The following TPTE variants were observed in gnomAD, a reference collection of about 807,000 sequenced individuals.
TPTE encodes putative tyrosine-protein phosphatase TPTE.
TPTE carries 59 observed loss-of-function variants against 84.1 expected under a neutral mutation model. The ratio of observed to expected loss-of-function variants is 0.70; its 90% CI spans 0.57 to 0.87. The LOEUF (loss-of-function observed/expected upper bound fraction) is 0.87. Ranked by LOEUF, TPTE falls within the 40% of genes least tolerant of loss-of-function variation. TPTE has a pLI of 0.00. For missense variants in TPTE, 382 were observed against 659.6 expected (o/e 0.58, Z 4.61); for synonymous variants, 130 against 223.5 (o/e 0.58, Z 3.73).
At chr21:10,603,125 A>C (rs1329255968) in intron 22 of TPTE, among the ~76,000 whole-genome samples, 2 of 152,312 alleles carry the variant, frequency 1.3e-5, no homozygotes, top group African/African-American at 4.8e-5. Flanking sequence ...GTGAACGGGA[A>C]ACTGCTGCGG....
At chr21:10,602,021 A>C (rs762698624) in intron 21 of TPTE, 37 bp from the exon 22 acceptor site, 3 of 1,589,492 alleles carry the variant, frequency 1.9e-6, no homozygotes, top group Admixed American at 3.3e-5. Context: ...ATCATTATCT[A>C]GGTTTATAGT....
intron 17 of TPTE, among the ~76,000 whole-genome samples, chr21:10,585,800 TGCCCATTTTG>T (rs2075353544): frequency 1.3e-5 from 2 of 152,310 alleles, no homozygotes; most frequent in African/African-American, 4.8e-5. Flanking sequence ...TTATTTCTTT[TGCCCATTTTG>T]GTAGATTATA....
chr21:10,604,607 C>G (rs1199070325), intron 23 of TPTE, among the ~76,000 whole-genome samples: 1 of 152,300 alleles, frequency 6.6e-6, no homozygotes, highest in Non-Finnish European at 1.5e-5. Flanking sequence ...AAATTTTTTA[C>G]AAGTTTTTTT....
At chr21:10,594,509 A>C (rs2075543973) in intron 19 of TPTE, among the ~76,000 whole-genome samples, 1 of 152,308 alleles carries the variant, frequency 6.6e-6, no homozygotes, top group Admixed American at 6.5e-5. Flanking sequence ...CTACAAGTCC[A>C]TGTTGTTTTA....
chr21:10,527,092 ACATT>A, intron 2 of TPTE, among the ~76,000 whole-genome samples: 1 of 152,300 alleles, frequency 6.6e-6, no homozygotes, highest in Non-Finnish European at 1.5e-5. Flanking sequence ...TGATATAGAA[ACATT>A]CATTATTCTT....
intron 7 of TPTE, among the ~76,000 whole-genome samples, chr21:10,548,754 G>A (rs1448491749): frequency 1.3e-5 from 2 of 152,312 alleles, no homozygotes; most frequent in African/African-American, 2.4e-5. Flanking sequence ...CAGGCCAGAT[G>A]AGCAGCTGTG....
In TPTE at chr21:10,541,048, G is replaced by A. The variant is rs1269880227; in HGVS notation, c.12-64G>A. On this transcript the variant is annotated intron_variant, in intron 4 of 23. Coordinates refer to ENST00000618007, the MANE Select transcript of TPTE (RefSeq NM_199261.4). ...GGGAATGACACATAGACTAACTGTA[G>A]CTATTTGTTGCAAAACATTAGAATT... The A allele has an allele frequency of 1.2e-5, 20 of 1,601,968 alleles. No individual in the cohort carries two copies. In the Admixed American group the frequency reaches 3.3e-4, roughly 27 times the overall value.
At chr21:10,537,115 A>G (rs1448099771) in intron 3 of TPTE, among the ~76,000 whole-genome samples, 1 of 152,310 alleles carries the variant, frequency 6.6e-6, no homozygotes, top group Non-Finnish European at 1.5e-5. Context: ...AAGGGATTTT[A>G]GTGTCAGGAA....
intron 8 of TPTE, among the ~76,000 whole-genome samples, chr21:10,559,155 C>T (rs575044271): frequency 6.6e-6 from 1 of 152,430 alleles, no homozygotes; most frequent in Non-Finnish European, 1.5e-5. Flanking sequence ...ATACAGTTCT[C>T]TTCTACCACC....
intron 8 of TPTE, among the ~76,000 whole-genome samples, chr21:10,553,476 A>G (rs1286438794): frequency 1.3e-5 from 2 of 152,290 alleles, no homozygotes. Flanking sequence ...TTGCCACTGA[A>G]TTAAACTGTG....
intron 14 of TPTE, among the ~76,000 whole-genome samples, chr21:10,575,580 G>A (rs1296779481): frequency 3.6e-4 from 55 of 152,268 alleles, no homozygotes; most frequent in Admixed American, 5.2e-4. Context: ...TGCCCAACAG[G>A]GGTCTCCAGC....
chr21:10,580,796 C>T (rs1286548874), intron 17 of TPTE, among the ~76,000 whole-genome samples: 1 of 152,306 alleles, frequency 6.6e-6, no homozygotes, highest in Non-Finnish European at 1.5e-5. Flanking sequence ...GATGCTATAT[C>T]AAAAATTATA....
At chr21:10,538,996 C>A (rs538289163) in intron 4 of TPTE, among the ~76,000 whole-genome samples, 1 of 152,302 alleles carries the variant, frequency 6.6e-6, no homozygotes, top group African/African-American at 2.4e-5. Flanking sequence ...ATTTCCAATT[C>A]TTCTCCTAGT....
chr21:10,548,942 G>A (rs1026708402), intron 7 of TPTE, among the ~76,000 whole-genome samples: 4 of 152,426 alleles, frequency 2.6e-5, no homozygotes, highest in African/African-American at 9.6e-5. Flanking sequence ...CTAGAGTGAT[G>A]GCACCATGGC....
At chr21:10,530,383 A>G (rs1341121014) in intron 3 of TPTE, among the ~76,000 whole-genome samples, 2 of 152,312 alleles carry the variant, frequency 1.3e-5, no homozygotes. Flanking sequence ...ATATACATTT[A>G]TATGTGTTCT....
At chr21:10,545,922 A>G (rs2074459136) in intron 7 of TPTE, among the ~76,000 whole-genome samples, 1 of 151,940 alleles carries the variant, frequency 6.6e-6, no homozygotes, top group Admixed American at 6.6e-5. Context: ...GCATCTGTGT[A>G]TATATATGTA....
intron 20 of TPTE, among the ~76,000 whole-genome samples, chr21:10,596,609 G>A (rs2075593952): frequency 6.6e-6 from 1 of 152,310 alleles, no homozygotes; most frequent in South Asian, 2.1e-4. Context: ...ACACTCAGGG[G>A]AGGTGGGAAA....
chr21:10,574,678 C>CG (rs1397472637), intron 14 of TPTE, among the ~76,000 whole-genome samples: 1 of 151,680 alleles, frequency 6.6e-6, no homozygotes, highest in Non-Finnish European at 1.5e-5. Context: ...ATGGCCCAGC[C>CG]GGGGGCGGCA....
intron 3 of TPTE, among the ~76,000 whole-genome samples, chr21:10,536,922 G>A (rs1294540912): frequency 1.1e-4 from 17 of 152,302 alleles, no homozygotes; most frequent in African/African-American, 1.7e-4. Context: ...AGGGAGCAGC[G>A]GGGCCCTTAG....
Sources: allele counts gnomAD v4.1 joint callset (sites outside exome capture counted in the v4.1 genomes callset), GRCh38; gene constraint gnomAD v4.1.1; transcripts MANE v1.5; gene names NCBI Gene and HGNC (gene_info 2026-07-23, HGNC 2026-07-21).